Variants in VILL observed in about 807,000 individuals in gnomAD.
VILL encodes villin-like protein.
A neutral mutation model predicts 106.3 loss-of-function variants in VILL; 102 were observed. The ratio of observed to expected loss-of-function variants is 0.96; its 90% CI spans 0.82 to 1.13. The LOEUF (loss-of-function observed/expected upper bound fraction) is 1.13, where lower values mean the gene tolerates loss of function less well. Among genes scored for constraint, VILL ranks in the 50% most tolerant of loss-of-function variants. The pLI is 0.00. For synonymous variants in VILL, 431 were observed against 440.3 expected (o/e 0.98, Z 0.27); for missense variants, 1,076 against 1,116.6 (o/e 0.96, Z 0.52).
chr3:37,989,989 G>C (rs1208572474), upstream of VILL, among the ~76,000 whole-genome samples: 1 of 152,222 alleles, frequency 6.6e-6, no homozygotes, highest in Non-Finnish European at 1.5e-5. Flanking sequence ...AACACAGGGA[G>C]AGGGTCTTGG....
At chr3:38,002,902 A>G (rs916275308) in intron 14 of VILL, 18 of 538,340 alleles carry the variant, frequency 3.3e-5, no homozygotes, top group Non-Finnish European at 5.5e-5. Flanking sequence ...AATATTCAGC[A>G]TAAACTATGA....
Position 37,998,001 on chromosome 3 carries a change from G to C in VILL, c.765-89G>C, listed in dbSNP as rs1661988294. ...CAGCCCCCATGCCTTCTGTCTCTGA[G>C]GGACTGGGGTGGGGTCCTAAATGGG... On this transcript the variant is annotated intron_variant, in intron 7 of 19. Transcript: ENST00000383759. The surrounding 1 kb of genome is among the most constrained non-coding windows in gnomAD (Gnocchi z 4.1). 7.5e-7 allele frequency: 1 copy of C among 1,334,248 alleles called. No individual in the cohort carries two copies. Among genetic ancestry groups the C allele is most frequent in the Non-Finnish European group, 1.0e-6 (1 of 971,390 alleles). The allele number at this position is 1,334,248 out of a possible 1,614,324, so 82.7% of individuals were successfully genotyped here.
intron 1 of VILL, 126 bp from the exon 2 acceptor site, chr3:37,993,461 T>C (rs937695811): frequency 8.6e-6 from 5 of 579,032 alleles, no homozygotes; most frequent in African/African-American, 1.9e-5. Context: ...TTATGCCTAA[T>C]CTGCCCAACC....
At position 38,003,183 on chromosome 3, in the gene VILL, C is replaced by G. The variant is rs774486565; in HGVS notation, c.1675C>G (p.Gln559Glu). The G allele has an allele frequency of 6.2e-7, 1 of 1,613,902 alleles. No individual in the cohort carries two copies. The highest frequency in any genetic ancestry group is 1.1e-5 in the South Asian group (1 of 91,058). The change falls in exon 15 of 20, where the codon CAG becomes GAG. Residue 559 changes from glutamine to glutamate, a missense_variant. Transcript: ENST00000383759. ...LWFGKGCNGD[Q>E]REMARVVVTV... Reference sequence around the variant, plus strand: ...TGCCTGCTAGGGCTGTAATGGTGATCAGCGTGAGATGGCACGGGTGGTGGT... The same window carrying G: ...TGCCTGCTAGGGCTGTAATGGTGATGAGCGTGAGATGGCACGGGTGGTGGT...
chr3:37,989,051 G>A (rs1354556377), upstream of VILL, among the ~76,000 whole-genome samples: 2 of 152,218 alleles, frequency 1.3e-5, no homozygotes, highest in African/African-American at 4.8e-5. Flanking sequence ...GAGACACAGA[G>A]GGAGGCTGGC....
chr3:37,999,831 A>G (rs1699781317), intron 11 of VILL, among the ~76,000 whole-genome samples: 1 of 152,242 alleles, frequency 6.6e-6, no homozygotes, highest in Non-Finnish European at 1.5e-5. Context: ...AGACATGACC[A>G]CGGTCACACA....
intron 4 of VILL, 29 bp downstream of exon 4, chr3:37,994,495 G>C (rs1334956448): frequency 1.3e-6 from 2 of 1,598,398 alleles, no homozygotes; most frequent in Non-Finnish European, 1.7e-6. Context: ...GGGGCAGGAG[G>C]GAGCCGTGGA....
At position 38,006,992 on chromosome 3, in the gene VILL, G is replaced by C. The variant is rs758089597; in HGVS notation, c.2508G>C (p.Glu836Asp). 1.2e-6 allele frequency: 2 copies of C among 1,614,008 alleles called. No individual in the cohort carries two copies. The highest frequency in any genetic ancestry group is 2.7e-5 in the African/African-American group (2 of 74,916). ...AAGATATCTTTGGGAAATCCAAGGAGGAATTCTACAGCATGGCCACGTGGA... is the reference window on the plus strand; with the variant it reads ...AAGATATCTTTGGGAAATCCAAGGACGAATTCTACAGCATGGCCACGTGGA... ...DFQDIFGKSK[E>D]EFYSMATWRQ... Residue 836 changes from glutamate (E) to aspartate (D), a missense_variant, in exon 20 of 20, where the codon GAG becomes GAC. Glu to Asp is a conservative substitution (Grantham distance 45). Coordinates refer to ENST00000383759, the MANE Select transcript of VILL (RefSeq NM_015873.4).
In VILL at chr3:37,994,357, G is replaced by A; in HGVS notation, c.232G>A (p.Ala78Thr). ...AGAEAQGAAE[A>T]FQQRLQDELG... Reference sequence around the variant, plus strand: ...TGCGGAAGCGCAGGGCGCTGCGGAGGCCTTCCAGCAGCGCCTACAGGACGA... The same window carrying A: ...TGCGGAAGCGCAGGGCGCTGCGGAGACCTTCCAGCAGCGCCTACAGGACGA... Residue 78 changes from alanine to threonine, a missense_variant, in exon 4 of 20, where the codon GCC (alanine) becomes ACC (threonine). Transcript: ENST00000383759. 6.2e-7 allele frequency: 1 copy of A among 1,611,738 alleles called. No homozygotes were observed. Among genetic ancestry groups the A allele is most frequent in the Non-Finnish European group, 8.5e-7 (1 of 1,179,628 alleles).
chr3:38,004,461 T>G (rs759691252), intron 16 of VILL, 62 bp downstream of exon 16: 77 of 1,566,818 alleles, frequency 4.9e-5, no homozygotes, highest in Non-Finnish European at 6.4e-5. Flanking sequence ...TTTGTGTAAC[T>G]GGGTGTGTGT....
Position 38,001,764 on chromosome 3 carries a change from C to A in VILL, c.1383C>A (p.Val461=), listed in dbSNP as rs578097100. Reference sequence around the variant, plus strand: ...ACAGCAACGCTGAGGAACTAGATGTCATGTATGGTGGCGTCCTAGTACAGG... The same window carrying A: ...ACAGCAACGCTGAGGAACTAGATGTAATGTATGGTGGCGTCCTAGTACAGG... ...ALNSNAEELD[V]MYGGVLVQEH... is the part of the protein sequence containing the mutation. The change falls in exon 13 of 20, where the codon GTC becomes GTA. Residue 461 remains valine (V), a synonymous_variant. Transcript: ENST00000383759. The A allele has an allele frequency of 2.5e-6, 4 of 1,614,260 alleles. No individual in the cohort carries two copies. In the Admixed American group the frequency reaches 6.7e-5, roughly 27 times the overall value.
chr3:37,991,865 G>T (rs1282211608), intron 1 of VILL, among the ~76,000 whole-genome samples: 1 of 151,980 alleles, frequency 6.6e-6, no homozygotes, highest in Non-Finnish European at 1.5e-5. Flanking sequence ...CTGTGGGGAG[G>T]GAGGAGGCCC....
At chr3:37,995,675 C>CTTATAT in intron 4 of VILL, 64 bp from the exon 5 acceptor site, 5 of 1,362,000 alleles carry the variant, frequency 3.7e-6, no homozygotes, top group Non-Finnish European at 5.2e-6. Context: ...GTCATTCATG[C>CTTATAT]ACATGGCAGT....
chr3:37,997,057 T>C lies in VILL; in HGVS notation c.451-20T>C. 3 of 1,609,646 alleles carry C rather than the reference T, an allele frequency of 1.9e-6. No individual in the cohort carries two copies. Among genetic ancestry groups the C allele is most frequent in the Non-Finnish European group, 2.6e-6 (3 of 1,176,148 alleles). ...GATGCTGGTGGTATGACACTCTGTC[T>C]CTCTCCCTGGCTCTGGCAGGTGGAG... is the stretch of plus-strand genomic sequence containing the variant. On this transcript the variant is annotated intron_variant, in intron 5 of 19. Transcript: ENST00000383759. This position sits in a 1 kb window ranked among gnomAD's most constrained non-coding sequence, Gnocchi z 4.7.
chr3:37,997,778 T>C lies in VILL; in HGVS notation c.764+93T>C, dbSNP rs1699732878. On this transcript the variant is annotated intron_variant, in intron 7 of 19. Transcript: ENST00000383759. This position sits in a 1 kb window ranked among gnomAD's most constrained non-coding sequence, Gnocchi z 4.7. ...ATAACACGGCATCTCTAGAAGGCCCTCCAGCAAAGGCTGCTGGGTTTCTGG... is the reference window on the plus strand; with the variant it reads ...ATAACACGGCATCTCTAGAAGGCCCCCCAGCAAAGGCTGCTGGGTTTCTGG... The C allele has an allele frequency of 2.2e-6, 3 of 1,379,532 alleles. No homozygotes were observed. The highest frequency in any genetic ancestry group is 2.9e-6 in the Non-Finnish European group (3 of 1,020,400). 85.5% of individuals were successfully genotyped at this position (1,379,532 alleles called of 1,614,324 possible). A position where few individuals can be genotyped will look rare whatever the true frequency, so the allele number is the denominator to read the frequency against.
At position 37,997,254 on chromosome 3, in the gene VILL, T is replaced by A; in HGVS notation, c.561+67T>A. On this transcript the variant is annotated intron_variant, in intron 6 of 19. Coordinates refer to ENST00000383759, the MANE Select transcript of VILL (RefSeq NM_015873.4). This position sits in a 1 kb window ranked among gnomAD's most constrained non-coding sequence, Gnocchi z 4.7. ...CGGGGAATGATCCTCCAGTTGACCA[T>A]CCTCCGGCCACCCAAAGAGTTGGGC... is the stretch of plus-strand genomic sequence containing the variant. 6.6e-7 allele frequency: 1 copy of A among 1,517,494 alleles called. No individual in the cohort carries two copies. Among genetic ancestry groups the A allele is most frequent in the South Asian group, 1.1e-5 (1 of 88,080 alleles). The allele number at this position is 1,517,494 out of a possible 1,614,324, so 94.0% of individuals were successfully genotyped here.
At position 37,999,055 on chromosome 3, in the gene VILL, G is replaced by A. The variant is rs963148936; in HGVS notation, c.1081+5G>A. 6.7e-7 allele frequency: 1 copy of A among 1,502,712 alleles called. No individual in the cohort carries two copies. Among genetic ancestry groups the A allele is most frequent in the Non-Finnish European group, 8.9e-7 (1 of 1,120,066 alleles). The allele number at this position is 1,502,712 out of a possible 1,614,324, so 93.1% of individuals were successfully genotyped here. On this transcript the variant is annotated splice_donor_5th_base_variant and intron_variant, in intron 10 of 19. Transcript: ENST00000383759. ...ACCAGAAGCTCGGCGGGAGGGGTGA[G>A]CGGGCGGGGCGGGGCTGACGGGGGC...
In VILL at chr3:38,006,700, G is replaced by A. The variant is rs1699935266; in HGVS notation, c.2457G>A (p.Glu819=). The change falls in exon 19 of 20, where the codon GAG becomes GAA. Residue 819 remains glutamate (E), a splice_region_variant and synonymous_variant. Coordinates refer to ENST00000383759, the MANE Select transcript of VILL (RefSeq NM_015873.4). Reference sequence around the variant, plus strand: ...AGGGCGTGGACCCTGCCCGCAGGGAGGTGGGCACCCCCTCACTGCCCCAGC... The same window carrying A: ...AGGGCGTGGACCCTGCCCGCAGGGAAGTGGGCACCCCCTCACTGCCCCAGC... ...LPEGVDPARR[E]FYLSDSDFQD... 6.3e-7 allele frequency: 1 copy of A among 1,599,576 alleles called. No homozygotes were observed. Among genetic ancestry groups the A allele is most frequent in the Non-Finnish European group, 8.5e-7 (1 of 1,171,214 alleles).
chr3:38,005,716 C>T lies in VILL; in HGVS notation c.1951-76C>T, dbSNP rs113764484. The T allele has an allele frequency of 4.8e-4, 716 of 1,483,322 alleles. 3 individuals are homozygous for T. In the African/African-American group the frequency reaches 8.6e-3, roughly 18 times the overall value. The allele number at this position is 1,483,322 out of a possible 1,614,324, so 91.9% of individuals were successfully genotyped here. On this transcript the variant is annotated intron_variant, in intron 16 of 19. Coordinates refer to ENST00000383759, the MANE Select transcript of VILL (RefSeq NM_015873.4). ...TGGGGTTCTGTCTGGGACAACTGGA[C>T]AGGGAGTGGACAGGAAGGGGTCAGC...
Sources: gnomAD v4.1 joint callset for allele counts (sites outside exome capture counted in the v4.1 genomes callset) on GRCh38, gnomAD v4.1.1 for gene constraint, Gnocchi (gnomAD v3.1) non-coding constraint, MANE v1.5 for transcripts, NCBI Gene and HGNC (gene_info 2026-07-23, HGNC 2026-07-21) for gene names.